The following GRB10 variants were observed in gnomAD, a reference collection of about 807,000 sequenced individuals.
The protein encoded by GRB10 is growth factor receptor-bound protein 10.
GRB10 carries 20 observed loss-of-function variants against 80.9 expected under a neutral mutation model. The ratio of observed to expected loss-of-function variants is 0.25; its 90% confidence interval spans 0.17 to 0.36. The LOEUF is 0.36. Among genes scored for constraint, GRB10 ranks in the 10% least tolerant of loss-of-function variants. The pLI is 1.00. For synonymous variants in GRB10, 291 were observed against 291.5 expected (o/e 1.00, Z 0.02); for missense variants, 548 against 747.7 (o/e 0.73, Z 3.12).
intron 2 of GRB10, among the ~76,000 whole-genome samples, chr7:50,776,498 G>A (rs912489137): frequency 5.3e-5 from 8 of 152,090 alleles, no homozygotes; most frequent in African/African-American, 1.9e-4. Context: ...TGGGATTACA[G>A]GCATGAGCCA....
intron 7 of GRB10, among the ~76,000 whole-genome samples, chr7:50,643,382 A>G (rs1018724538): frequency 6.6e-6 from 1 of 152,346 alleles, no homozygotes; most frequent in East Asian, 1.9e-4. Flanking sequence ...TGTGGACCAG[A>G]TGGGACTCCA....
intron 12 of GRB10, among the ~76,000 whole-genome samples, chr7:50,614,346 T>C (rs907477889): frequency 6.6e-6 from 1 of 152,202 alleles, no homozygotes; most frequent in African/African-American, 2.4e-5. Flanking sequence ...ATTGTGTCTA[T>C]TCCTGTCTGA....
chr7:50,746,987 G>A (rs1047467672), intron 3 of GRB10, among the ~76,000 whole-genome samples: 1 of 152,184 alleles, frequency 6.6e-6, no homozygotes, highest in African/African-American at 2.4e-5. Flanking sequence ...TCCTCCTCTA[G>A]CTCTAGCCCT....
chr7:50,604,222 G>A, intron 16 of GRB10, 89 bp downstream of exon 16: 1 of 1,332,864 alleles, frequency 7.5e-7, no homozygotes, highest in Non-Finnish European at 1.1e-6. Context: ...TCTGGCCACA[G>A]GCAAATTCGT....
intron 17 of GRB10, among the ~76,000 whole-genome samples, chr7:50,600,487 TCGAAACAAAA>T (rs1417235498): frequency 2.0e-5 from 3 of 151,230 alleles, no homozygotes; most frequent in Non-Finnish European, 4.4e-5. Flanking sequence ...GCATCTGGGA[TCGAAACAAAA>T]CCAAACAAAG....
chr7:50,646,463 G>A (rs182155306), intron 7 of GRB10, among the ~76,000 whole-genome samples: 91 of 152,300 alleles, frequency 6.0e-4, no homozygotes, highest in Non-Finnish European at 7.8e-4. Context: ...GAATCTCACC[G>A]TTTACCAAAT....
chr7:50,610,256 T>C (rs1312678046), intron 13 of GRB10, among the ~76,000 whole-genome samples: 1 of 152,220 alleles, frequency 6.6e-6, no homozygotes, highest in African/African-American at 2.4e-5. Context: ...CATTTCTGTA[T>C]AGTGGGCAAT....
upstream of GRB10, among the ~76,000 whole-genome samples, chr7:50,785,632 C>T (rs1459792298): frequency 2.0e-5 from 3 of 152,256 alleles, no homozygotes; most frequent in Non-Finnish European, 4.4e-5. Flanking sequence ...CAATTCTAGG[C>T]ACTGCCCACC....
chr7:50,739,250 C>G (rs1962390), intron 3 of GRB10, among the ~76,000 whole-genome samples: 120,673 of 152,126 alleles, frequency 0.79, 47,990 homozygotes, highest in Middle Eastern at 0.87. Context: ...TCATAAACTT[C>G]AAAAATGTTG....
intron 1 of GRB10, among the ~76,000 whole-genome samples, chr7:50,789,277 G>A (rs2078815838): frequency 6.6e-6 from 1 of 152,186 alleles, no homozygotes; most frequent in Non-Finnish European, 1.5e-5. Context: ...TTAATAGCAA[G>A]CAGGATATCA....
At chr7:50,695,368 A>G (rs2063312226) in intron 5 of GRB10, among the ~76,000 whole-genome samples, 1 of 152,188 alleles carries the variant, frequency 6.6e-6, no homozygotes, top group Non-Finnish European at 1.5e-5. Context: ...CTGGATCAGT[A>G]AGTTTTCTAG....
At chr7:50,759,428 C>T (rs1339916194) in intron 2 of GRB10, among the ~76,000 whole-genome samples, 1 of 152,056 alleles carries the variant, frequency 6.6e-6, no homozygotes, top group African/African-American at 2.4e-5. Context: ...TCCAGGACAC[C>T]AGAGACACCA....
At chr7:50,664,959 T>G (rs1460122613) in intron 7 of GRB10, among the ~76,000 whole-genome samples, 1 of 152,278 alleles carries the variant, frequency 6.6e-6, no homozygotes, top group Admixed American at 6.5e-5. Context: ...AAAGAAATTC[T>G]TATGTATTTG....
At chr7:50,756,634 A>G (rs549771180) in intron 2 of GRB10, among the ~76,000 whole-genome samples, 2 of 152,288 alleles carry the variant, frequency 1.3e-5, no homozygotes, top group African/African-American at 4.8e-5. Context: ...AAGTCCTATG[A>G]ACTGAGAGCT....
intron 7 of GRB10, chr7:50,645,517 CAAA>C: frequency 1.3e-6 from 1 of 783,558 alleles, no homozygotes; most frequent in East Asian, 1.3e-4. Context: ...ACCAAGCAAA[CAAA>C]AAGGATCTGC....
intron 7 of GRB10, among the ~76,000 whole-genome samples, chr7:50,649,600 ACT>A (rs1296882127): frequency 6.6e-6 from 1 of 152,054 alleles, no homozygotes; most frequent in Non-Finnish European, 1.5e-5. Context: ...GATTCAAATG[ACT>A]CTCTAGAAAT....
intron 2 of GRB10, among the ~76,000 whole-genome samples, chr7:50,763,966 C>G (rs765639249): frequency 6.6e-6 from 1 of 152,368 alleles, no homozygotes; most frequent in East Asian, 1.9e-4. Flanking sequence ...AGGCCTGACG[C>G]GTGTGGCCCC....
intron 2 of GRB10, among the ~76,000 whole-genome samples, chr7:50,763,812 C>T (rs1393481410): frequency 1.3e-5 from 2 of 152,244 alleles, no homozygotes; most frequent in Admixed American, 6.5e-5. Context: ...GCCTCTGCCC[C>T]TCATCTGAAC....
upstream of GRB10, among the ~76,000 whole-genome samples, chr7:50,785,591 C>A (rs865844648): frequency 1.8e-4 from 27 of 152,350 alleles, no homozygotes; most frequent in African/African-American, 5.5e-4. Context: ...TGACACAAGC[C>A]AGCCCCACAT....
Sources: gnomAD v4.1 joint callset for allele counts (sites outside exome capture counted in the v4.1 genomes callset) on GRCh38, gnomAD v4.1.1 for gene constraint, MANE v1.5 for transcripts, NCBI Gene and HGNC (gene_info 2026-07-23, HGNC 2026-07-21) for gene names.